CNTN4: variants seen among roughly 807,000 people sequenced by gnomAD.
CNTN4 encodes the protein contactin-4.
CNTN4 carries 77 observed loss-of-function variants against 122.5 expected under a neutral mutation model. The ratio of observed to expected loss-of-function variants is 0.63; its 90% CI spans 0.52 to 0.76. The LOEUF (loss-of-function observed/expected upper bound fraction) is 0.76. CNTN4 is among the 30% of genes least tolerant of loss of function. The pLI, the probability that CNTN4 is intolerant of heterozygous loss-of-function variation, is 0.00. For missense variants in CNTN4, 1,256 were observed against 1,259.1 expected (o/e 1.00, Z 0.04); for synonymous variants, 512 against 447.0 (o/e 1.15, Z -1.83).
chr3:2,384,511 AT>A (rs1339750820), intron 3 of CNTN4, among the ~76,000 whole-genome samples: 4 of 152,244 alleles, frequency 2.6e-5, no homozygotes, highest in African/African-American at 9.6e-5. Flanking sequence ...TATTATGCTT[AT>A]TTTAATGGTT....
intron 2 of CNTN4, among the ~76,000 whole-genome samples, chr3:2,158,137 A>T (rs2035800594): frequency 6.6e-6 from 1 of 152,178 alleles, no homozygotes; most frequent in Non-Finnish European, 1.5e-5. Flanking sequence ...GGGGCTTTTA[A>T]ACCCTGGTAA....
chr3:2,346,831 C>G (rs116779115), intron 3 of CNTN4, among the ~76,000 whole-genome samples: 3,134 of 152,230 alleles, frequency 0.021, 108 homozygotes, highest in African/African-American at 0.072. Context: ...GAGTTTTTCT[C>G]TTACGCTATT....
chr3:2,979,998 C>T (rs1693807663), intron 13 of CNTN4, among the ~76,000 whole-genome samples: 1 of 151,958 alleles, frequency 6.6e-6, no homozygotes, highest in Admixed American at 6.6e-5. Context: ...TACTAAAGAC[C>T]CCCCCAAAAG....
intron 6 of CNTN4, among the ~76,000 whole-genome samples, chr3:2,804,306 A>G (rs1175525195): frequency 1.3e-5 from 2 of 152,150 alleles, no homozygotes; most frequent in Non-Finnish European, 2.9e-5. Flanking sequence ...AATATGTCAC[A>G]CAATAAAAAA....
intron 12 of CNTN4, among the ~76,000 whole-genome samples, chr3:2,925,357 C>A (rs1294088385): frequency 6.6e-6 from 1 of 152,042 alleles, no homozygotes; most frequent in Non-Finnish European, 1.5e-5. Context: ...AGCTCGAGAC[C>A]ATCCTGGCCA....
intron 10 of CNTN4, among the ~76,000 whole-genome samples, chr3:2,892,892 T>G (rs1168551571): frequency 6.6e-6 from 1 of 152,238 alleles, no homozygotes; most frequent in Non-Finnish European, 1.5e-5. Context: ...AAATAACTTA[T>G]TCAAGGTAAT....
At chr3:2,997,170 G>A (rs1398828901) in intron 14 of CNTN4, among the ~76,000 whole-genome samples, 2 of 152,194 alleles carry the variant, frequency 1.3e-5, no homozygotes, top group Non-Finnish European at 2.9e-5. Context: ...GGCTAATTGT[G>A]TAATAAATAA....
At chr3:2,296,839 A>T (rs367663768) in intron 2 of CNTN4, among the ~76,000 whole-genome samples, 15 of 151,460 alleles carry the variant, frequency 9.9e-5, no homozygotes, top group Admixed American at 7.2e-4. Flanking sequence ...AGAAAATTGG[A>T]TTGTAACAGA....
At chr3:2,419,897 C>A (rs1240222983) in intron 3 of CNTN4, among the ~76,000 whole-genome samples, 2 of 152,074 alleles carry the variant, frequency 1.3e-5, no homozygotes, top group Admixed American at 6.5e-5. Context: ...CCTGTGGTTT[C>A]AGACTATTAA....
At chr3:2,563,395 C>T (rs1287042786) in intron 3 of CNTN4, among the ~76,000 whole-genome samples, 1 of 151,984 alleles carries the variant, frequency 6.6e-6, no homozygotes, top group Non-Finnish European at 1.5e-5. Context: ...TTGTTGTTTA[C>T]CTTCAAGGTT....
At chr3:2,556,630 G>A (rs1293225405) in intron 3 of CNTN4, among the ~76,000 whole-genome samples, 1 of 151,682 alleles carries the variant, frequency 6.6e-6, no homozygotes, top group East Asian at 1.9e-4. Flanking sequence ...TTTTATATAT[G>A]TGTACCTACA....
intron 2 of CNTN4, among the ~76,000 whole-genome samples, chr3:2,204,550 C>T (rs1445445210): frequency 4.6e-5 from 7 of 151,946 alleles, no homozygotes; most frequent in Admixed American, 4.6e-4. Context: ...AAACTGTACA[C>T]AAAACTCATA....
At chr3:2,567,196 C>T (rs1025789913) in intron 3 of CNTN4, among the ~76,000 whole-genome samples, 4 of 151,862 alleles carry the variant, frequency 2.6e-5, no homozygotes, top group Admixed American at 6.6e-5. Flanking sequence ...AAGCCATTCT[C>T]CTGCCTCAGC....
intron 3 of CNTN4, among the ~76,000 whole-genome samples, chr3:2,570,464 A>G (rs371411327): frequency 2.6e-5 from 4 of 152,324 alleles, no homozygotes; most frequent in African/African-American, 7.2e-5. Flanking sequence ...GGTGTGAACT[A>G]CTGCACCTGG....
chr3:3,042,305 T>C lies in CNTN4; in HGVS notation c.2399-5T>C, dbSNP rs982992111. 1 of 1,609,058 alleles carries C rather than the reference T, an allele frequency of 6.2e-7. No individual in the cohort carries two copies. The highest frequency in any genetic ancestry group is 1.3e-5 in the African/African-American group (1 of 74,816). Reference sequence around the variant, plus strand: ...AGTAATAACTATCTCCATATTCATCTACAGAACCCACCAAACCACCAGCCA... The same window carrying C: ...AGTAATAACTATCTCCATATTCATCCACAGAACCCACCAAACCACCAGCCA... On this transcript the variant is annotated splice_polypyrimidine_tract_variant and splice_region_variant and intron_variant, in intron 20 of 24. Transcript: ENST00000418658.
intron 7 of CNTN4, among the ~76,000 whole-genome samples, chr3:2,823,082 T>C (rs1481320481): frequency 6.6e-6 from 1 of 152,186 alleles, no homozygotes; most frequent in Non-Finnish European, 1.5e-5. Context: ...ATCCTTCCAA[T>C]TTCTCAAAAG....
chr3:2,882,259 G>C (rs1430384209), intron 8 of CNTN4, among the ~76,000 whole-genome samples: 1 of 152,078 alleles, frequency 6.6e-6, no homozygotes, highest in Admixed American at 6.5e-5. Context: ...TAGCAACTCG[G>C]GGAGGCTGAA....
chr3:2,579,004 G>A (rs1447810820), intron 4 of CNTN4, among the ~76,000 whole-genome samples: 2 of 152,164 alleles, frequency 1.3e-5, no homozygotes, highest in Non-Finnish European at 2.9e-5. Context: ...AAGATGTTGA[G>A]GTAAATAGAG....
At position 2,529,555 on chromosome 3, in the gene CNTN4, A is replaced by G. The variant is rs147194559; in HGVS notation, c.-88-41861A>G. Among the ~76,000 whole-genome samples the G allele has an allele frequency of 3.7e-3, 568 of 152,318 alleles. 6 individuals are homozygous for G. The highest frequency in any genetic ancestry group is 0.013 in the African/African-American group (540 of 41,574). ...TAATATGTATTATGATTTGTAATAC[A>G]TGTATTACTTACTATATACAAACAA... On this transcript the variant is annotated intron_variant, in intron 3 of 24. Transcript: ENST00000418658.
Sources: gnomAD v4.1 joint callset for allele counts (sites outside exome capture counted in the v4.1 genomes callset) on GRCh38, gnomAD v4.1.1 for gene constraint, MANE v1.5 for transcripts, NCBI Gene and HGNC (gene_info 2026-07-23, HGNC 2026-07-21) for gene names.